The following DYNC1I1 variants were observed in gnomAD, a reference collection of about 807,000 sequenced individuals.
DYNC1I1 encodes the protein dynein cytoplasmic 1 intermediate chain 1.
In DYNC1I1, 43 loss-of-function variants were observed where a neutral mutation model predicts 86.6. That is an observed-to-expected ratio of 0.50 (90% CI 0.39 to 0.64). DYNC1I1 has a LOEUF of 0.64. Ranked by LOEUF, DYNC1I1 falls within the 30% of genes least tolerant of loss-of-function variation. The probability of loss-of-function intolerance (pLI) is 0.00; values close to 1 mark genes in which losing one functional copy is unlikely to be tolerated. For synonymous variants in DYNC1I1, 262 were observed against 283.7 expected, an observed-to-expected ratio of 0.92 and a Z score of 0.77; for missense variants, 604 against 788.8, an observed-to-expected ratio of 0.77 and a Z score of 2.81.
chr7:96,083,019 A>G (rs1790569738), intron 16 of DYNC1I1, among the ~76,000 whole-genome samples: 1 of 152,152 alleles, frequency 6.6e-6, no homozygotes, highest in African/African-American at 2.4e-5. Context: ...TAGACAGGCT[A>G]TAGAAAAATC....
chr7:95,941,905 G>C (rs1432000289), intron 6 of DYNC1I1, among the ~76,000 whole-genome samples: 1 of 152,168 alleles, frequency 6.6e-6, no homozygotes, highest in Non-Finnish European at 1.5e-5. Context: ...CGCTCATGCT[G>C]GGAGCTGTAG....
intron 6 of DYNC1I1, among the ~76,000 whole-genome samples, chr7:95,892,314 T>G (rs894782267): frequency 9.9e-5 from 15 of 151,556 alleles, no homozygotes; most frequent in African/African-American, 3.6e-4. Flanking sequence ...GCCCAGCTAA[T>G]TTTTCTTCCC....
At chr7:95,934,243 C>T (rs1791979759) in intron 6 of DYNC1I1, among the ~76,000 whole-genome samples, 1 of 152,092 alleles carries the variant, frequency 6.6e-6, no homozygotes, top group Non-Finnish European at 1.5e-5. Flanking sequence ...TAGATGGTTA[C>T]TGAGTACTTC....
chr7:95,876,455 A>C (rs1790311212), intron 6 of DYNC1I1, among the ~76,000 whole-genome samples: 1 of 152,166 alleles, frequency 6.6e-6, no homozygotes, highest in South Asian at 2.1e-4. Flanking sequence ...GGATTACAAA[A>C]TTCAATGTTT....
rs140754759 is a variant in DYNC1I1, at chr7:96,075,059, C to A, written c.1510-998C>A. ...TAAATTTCATTTTACATTAATTGAT[C>A]AGGGATTAGTAAAGCCATTATGCAG... On this transcript the variant is annotated intron_variant, in intron 14 of 16. Coordinates refer to ENST00000447467, the MANE Select transcript of DYNC1I1 (RefSeq NM_001135556.2). Among the ~76,000 whole-genome samples, 114 of 152,300 alleles carry A rather than the reference C, an allele frequency of 7.5e-4. 1 individual carries two copies. The East Asian group carries it at 0.014, about 19-fold the overall frequency.
At chr7:95,904,554 C>T (rs1791123102) in intron 6 of DYNC1I1, among the ~76,000 whole-genome samples, 1 of 151,830 alleles carries the variant, frequency 6.6e-6, no homozygotes, top group Admixed American at 6.6e-5. Flanking sequence ...TTAGGATTTG[C>T]ATGTTGGTTA....
At chr7:95,875,743 A>G (rs796772753) in intron 6 of DYNC1I1, among the ~76,000 whole-genome samples, 31 of 152,308 alleles carry the variant, frequency 2.0e-4, no homozygotes, top group African/African-American at 6.3e-4. Flanking sequence ...CCACCTGGGC[A>G]CTGGCACCCT....
intron 4 of DYNC1I1, among the ~76,000 whole-genome samples, chr7:95,815,924 T>A (rs1263444574): frequency 2.0e-5 from 3 of 152,122 alleles, no homozygotes; most frequent in Admixed American, 2.0e-4. Context: ...ATAATCTTTG[T>A]AACTAGTTAA....
At chr7:95,774,653 G>A (rs183518779) in intron 1 of DYNC1I1, among the ~76,000 whole-genome samples, 54 of 152,240 alleles carry the variant, frequency 3.5e-4, no homozygotes, top group Non-Finnish European at 6.6e-4. Flanking sequence ...AGGCTCTAGG[G>A]TCTTTCTTCC....
At chr7:95,944,748 T>G (rs1792346583) in intron 6 of DYNC1I1, among the ~76,000 whole-genome samples, 1 of 152,014 alleles carries the variant, frequency 6.6e-6, no homozygotes, top group Non-Finnish European at 1.5e-5. Flanking sequence ...TTGGAAATCA[T>G]CATTCTCAGT....
intron 6 of DYNC1I1, among the ~76,000 whole-genome samples, chr7:95,893,490 A>G (rs73710544): frequency 0.011 from 1,603 of 152,344 alleles, 23 homozygotes; most frequent in African/African-American, 0.037. Context: ...TAAAAATGAC[A>G]AATCTTAAAC....
intron 6 of DYNC1I1, among the ~76,000 whole-genome samples, chr7:95,931,021 T>A (rs1466892865): frequency 6.6e-6 from 1 of 152,208 alleles, no homozygotes; most frequent in Admixed American, 6.5e-5. Context: ...ATTGGGAAGA[T>A]CGTAGAAAAA....
intron 6 of DYNC1I1, among the ~76,000 whole-genome samples, chr7:95,932,873 T>C (rs934819778): frequency 2.5e-5 from 3 of 121,928 alleles, no homozygotes; most frequent in Non-Finnish European, 3.4e-5. Flanking sequence ...CTTTATTTAT[T>C]TTTTAATTTT....
intron 14 of DYNC1I1, among the ~76,000 whole-genome samples, chr7:96,074,518 T>A (rs1394814179): frequency 1.6e-5 from 2 of 125,602 alleles, no homozygotes; most frequent in African/African-American, 6.3e-5. Flanking sequence ...GCCACTGCAC[T>A]CCAGCCTGGG....
chr7:95,957,127 T>G (rs1312909519), intron 6 of DYNC1I1, among the ~76,000 whole-genome samples: 1 of 152,202 alleles, frequency 6.6e-6, no homozygotes, highest in Non-Finnish European at 1.5e-5. Context: ...GGCAATATAA[T>G]GAATAAATGA....
intron 1 of DYNC1I1, among the ~76,000 whole-genome samples, chr7:95,775,359 C>A (rs1584207948): frequency 6.6e-6 from 1 of 152,262 alleles, no homozygotes; most frequent in East Asian, 1.9e-4. Context: ...ACATTATTAT[C>A]CATATTTTCC....
At chr7:96,012,518 G>T (rs943371497) in intron 10 of DYNC1I1, among the ~76,000 whole-genome samples, 5 of 152,150 alleles carry the variant, frequency 3.3e-5, no homozygotes, top group Non-Finnish European at 5.9e-5. Flanking sequence ...TCTCACAACA[G>T]ATTATATTCT....
At chr7:96,032,203 G>T (rs1168540821) in intron 11 of DYNC1I1, among the ~76,000 whole-genome samples, 2 of 152,110 alleles carry the variant, frequency 1.3e-5, no homozygotes, top group East Asian at 3.9e-4. Context: ...GTTAACAAAT[G>T]TTTGGCATTG....
At position 96,027,817 on chromosome 7, in the gene DYNC1I1, A is replaced by C. The variant is rs147905007; in HGVS notation, c.970-358A>C. Among the ~76,000 whole-genome samples the C allele has an allele frequency of 4.6e-5, 7 of 152,326 alleles. No individual in the cohort carries two copies. In the East Asian group the frequency reaches 1.2e-3, roughly 25 times the overall value. On this transcript the variant is annotated intron_variant, in intron 10 of 16. Transcript: ENST00000447467. ...TGCTTAGTAAAGGCTTTAGTGGAGA[A>C]TTAATATTAGTTCTGTTGCAATTCT... is the stretch of plus-strand genomic sequence containing the variant.
Sources: gnomAD v4.1 joint callset for allele counts (sites outside exome capture counted in the v4.1 genomes callset) on GRCh38, gnomAD v4.1.1 for gene constraint, MANE v1.5 for transcripts, NCBI Gene and HGNC (gene_info 2026-07-23, HGNC 2026-07-21) for gene names.